SYNGR1: variants seen among roughly 807,000 people sequenced by gnomAD.
SYNGR1 encodes synaptogyrin 1, also known as synaptogyrin-1.
SYNGR1 carries 14 observed loss-of-function variants against 26.1 expected under a neutral mutation model. The observed-to-expected ratio is 0.54, with a 90% CI of 0.35 to 0.84. The LOEUF (loss-of-function observed/expected upper bound fraction) is 0.84, where lower values mean the gene tolerates loss of function less well. Among genes scored for constraint, SYNGR1 ranks in the 40% least tolerant of loss-of-function variants. The pLI is 0.01. For synonymous variants in SYNGR1, 141 were observed against 150.1 expected (o/e 0.94, Z 0.44); for missense variants, 319 against 332.9 (o/e 0.96, Z 0.33).
In SYNGR1 at chr22:39,350,362, G is replaced by A. The variant is rs1923845308; in HGVS notation, c.99+253G>A. ...GGAGCCCTGGTTTCCTGGGGCCCCC[G>A]GTTCGTGCGCCCCCCTTCCCGCCCC... On this transcript the variant is annotated intron_variant, in intron 1 of 3. Coordinates refer to ENST00000328933, the MANE Select transcript of SYNGR1 (RefSeq NM_004711.5). The surrounding 1 kb of genome is among the most constrained non-coding windows in gnomAD (Gnocchi z 4.3). Among the ~76,000 whole-genome samples, 1 of 152,124 alleles carries A rather than the reference G, an allele frequency of 6.6e-6. No homozygotes were observed. Among genetic ancestry groups the A allele is most frequent in the African/African-American group, 2.4e-5 (1 of 41,444 alleles).
At chr22:39,355,435 C>T (rs1924104521) in intron 1 of SYNGR1, among the ~76,000 whole-genome samples, 1 of 152,272 alleles carries the variant, frequency 6.6e-6, no homozygotes, top group African/African-American at 2.4e-5. Flanking sequence ...CTCACCTCTT[C>T]ACCTCCTGTG....
intron 1 of SYNGR1, among the ~76,000 whole-genome samples, chr22:39,356,789 T>A (rs754436930): frequency 3.0e-4 from 46 of 152,148 alleles, no homozygotes; most frequent in Non-Finnish European, 5.0e-4. Flanking sequence ...AGTGATTGGC[T>A]GTGTGACTGG....
At chr22:39,378,165 C>T (rs983968510) in intron 3 of SYNGR1, 1 of 1,112,406 alleles carries the variant, frequency 9.0e-7, no homozygotes, top group East Asian at 7.1e-5. Context: ...GGGTTAGCAT[C>T]CTGGCCGAGG....
At chr22:39,362,645 C>T (rs1031231801) in intron 1 of SYNGR1, among the ~76,000 whole-genome samples, 3 of 152,192 alleles carry the variant, frequency 2.0e-5, no homozygotes, top group Non-Finnish European at 4.4e-5. Flanking sequence ...TTCCCTCAGC[C>T]TTTCCCCAGG....
At chr22:39,367,919 C>T (rs752137021) in intron 1 of SYNGR1, among the ~76,000 whole-genome samples, 10 of 152,116 alleles carry the variant, frequency 6.6e-5, no homozygotes, top group Non-Finnish European at 1.3e-4. Context: ...GGTCACTGCT[C>T]CAGCCATATT....
At chr22:39,376,530 G>A (rs900618814) in intron 3 of SYNGR1, among the ~76,000 whole-genome samples, 5 of 152,174 alleles carry the variant, frequency 3.3e-5, no homozygotes, top group African/African-American at 7.2e-5. Flanking sequence ...GAAAGCAGAG[G>A]CCTAGACAGG....
At chr22:39,357,504 G>A (rs1294467133) in intron 1 of SYNGR1, among the ~76,000 whole-genome samples, 1 of 152,204 alleles carries the variant, frequency 6.6e-6, no homozygotes, top group Non-Finnish European at 1.5e-5. Flanking sequence ...CAAGGCTAGA[G>A]CCCACTCCCT....
chr22:39,376,310 A>G (rs1311224514), intron 3 of SYNGR1, 113 bp downstream of exon 3: 1 of 1,538,796 alleles, frequency 6.5e-7, no homozygotes, highest in African/African-American at 1.4e-5. Context: ...AGCCCACACT[A>G]CCCTCGCTCC....
intron 3 of SYNGR1, chr22:39,379,585 G>C (rs945207192): frequency 6.6e-6 from 1 of 151,068 alleles, no homozygotes; most frequent in Non-Finnish European, 1.5e-5. Flanking sequence ...AGTGAGCCAA[G>C]GTTGTGTCAT....
intron 3 of SYNGR1, among the ~76,000 whole-genome samples, chr22:39,380,826 G>A (rs1042487116): frequency 1.3e-5 from 2 of 151,830 alleles, no homozygotes; most frequent in African/African-American, 4.8e-5. Flanking sequence ...TCACCATGTT[G>A]GCCAGGCTGG....
chr22:39,350,796 G>A lies in SYNGR1; in HGVS notation c.99+687G>A, dbSNP rs1670783516. Among the ~76,000 whole-genome samples the A allele has an allele frequency of 6.6e-6, 1 of 152,202 alleles. No homozygotes were observed. The highest frequency in any genetic ancestry group is 1.5e-5 in the Non-Finnish European group (1 of 68,038). The stretch of plus-strand genomic sequence containing the variant: ...AGTTTCCCAATTTATAGACAAGGTG[G>A]GCGGAGCCTTCTTGAGGCCCCCTTG... On this transcript the variant is annotated intron_variant, in intron 1 of 3. Coordinates refer to ENST00000328933, the MANE Select transcript of SYNGR1 (RefSeq NM_004711.5). The surrounding 1 kb of genome is among the most constrained non-coding windows in gnomAD (Gnocchi z 4.3).
chr22:39,381,992 G>C lies in SYNGR1; in HGVS notation c.*78G>C. Reference sequence around the variant, plus strand: ...CCCAGCCCCTGCTCCTGCCCAGGCTGCCCTGCCCAGCGCCTCATCAGCCTC... The same window carrying C: ...CCCAGCCCCTGCTCCTGCCCAGGCTCCCCTGCCCAGCGCCTCATCAGCCTC... On this transcript the variant is annotated 3_prime_UTR_variant, in exon 4 of 4. Coordinates refer to ENST00000328933, the MANE Select transcript of SYNGR1 (RefSeq NM_004711.5). 2.0e-6 allele frequency: 3 copies of C among 1,470,632 alleles called. No individual in the cohort carries two copies. In the East Asian group the frequency reaches 7.4e-5, roughly 36 times the overall value. 91.1% of individuals were successfully genotyped at this position (1,470,632 alleles called of 1,614,324 possible). A position where few individuals can be genotyped will look rare whatever the true frequency, so the allele number is the denominator to read the frequency against.
At chr22:39,362,881 CT>C (rs1202439220) in intron 1 of SYNGR1, among the ~76,000 whole-genome samples, 1 of 152,176 alleles carries the variant, frequency 6.6e-6, no homozygotes, top group Admixed American at 6.5e-5. Flanking sequence ...CCCTCAAAGC[CT>C]TTCCTGACCC....
rs1394589815 is a variant in SYNGR1, at chr22:39,384,327, C to T, written c.*2413C>T. ...TTAACTCCATCTTGGGTGTTTGTGA[C>T]AGGCCCTGCCTGCCACCCTAGGCAG... On this transcript the variant is annotated 3_prime_UTR_variant, in exon 4 of 4. Transcript: ENST00000328933. 3 of 394,596 alleles carry T rather than the reference C, an allele frequency of 7.6e-6. No individual in the cohort carries two copies. Among genetic ancestry groups the T allele is most frequent in the Non-Finnish European group, 1.3e-5 (3 of 223,972 alleles). The allele number at this position is 394,596 out of a possible 1,614,324, so 24.4% of individuals were successfully genotyped here.
chr22:39,358,176 A>C (rs527639091), intron 1 of SYNGR1, among the ~76,000 whole-genome samples: 120 of 152,376 alleles, frequency 7.9e-4, no homozygotes, highest in African/African-American at 1.9e-3. Flanking sequence ...GACACTCTGT[A>C]TCTAGCTGCT....
intron 1 of SYNGR1, among the ~76,000 whole-genome samples, chr22:39,365,574 C>T (rs1924703850): frequency 6.6e-6 from 1 of 152,186 alleles, no homozygotes; most frequent in African/African-American, 2.4e-5. Flanking sequence ...GGAGCTCCCA[C>T]TCAGGGTGGG....
At chr22:39,362,552 C>T (rs1924531251) in intron 1 of SYNGR1, among the ~76,000 whole-genome samples, 1 of 152,152 alleles carries the variant, frequency 6.6e-6, no homozygotes, top group African/African-American at 2.4e-5. Flanking sequence ...CTCACTTGAC[C>T]CTGGGGGAAG....
At position 39,350,112 on chromosome 22, in the gene SYNGR1, A is replaced by G; in HGVS notation, c.99+3A>G. ...CCATCCTGCGCGTCGTGTCTTGGGT[A>G]AGGACGGACTGGCCGACGGCTCTGC... On this transcript the variant is annotated splice_donor_region_variant and intron_variant, in intron 1 of 3. Coordinates refer to ENST00000328933, the MANE Select transcript of SYNGR1 (RefSeq NM_004711.5). The surrounding 1 kb of genome is among the most constrained non-coding windows in gnomAD (Gnocchi z 4.3). The G allele has an allele frequency of 2.1e-6, 3 of 1,438,638 alleles. No homozygotes were observed. Among genetic ancestry groups the G allele is most frequent in the Non-Finnish European group, 2.8e-6 (3 of 1,080,370 alleles). The allele number at this position is 1,438,638 out of a possible 1,614,324, so 89.1% of individuals were successfully genotyped here.
In SYNGR1 at chr22:39,374,444, G is replaced by C. The variant is rs1027868191; in HGVS notation, c.228G>C (p.Val76=). The C allele has an allele frequency of 6.2e-6, 10 of 1,613,848 alleles. No individual in the cohort carries two copies. The Admixed American group carries it at 1.3e-4, about 22-fold the overall frequency. ...NACSYGVAVG[V]LAFLTCLLYL... ...GCAGCTATGGCGTGGCCGTGGGCGT[G>C]CTCGCCTTCCTCACCTGCCTGCTGT... Residue 76 remains valine (V), a synonymous_variant, in exon 2 of 4, where the codon GTG becomes GTC. Coordinates refer to ENST00000328933, the MANE Select transcript of SYNGR1 (RefSeq NM_004711.5).
Sources: allele counts gnomAD v4.1 joint callset (sites outside exome capture counted in the v4.1 genomes callset), GRCh38; gene constraint gnomAD v4.1.1; non-coding constraint Gnocchi (gnomAD v3.1); transcripts MANE v1.5; gene names NCBI Gene and HGNC (gene_info 2026-07-23, HGNC 2026-07-21).